Variants in GOT2 observed in about 807,000 individuals in gnomAD.
The protein encoded by GOT2 is glutamic-oxaloacetic transaminase 2, also known as aspartate aminotransferase, mitochondrial.
Under a neutral mutation model 50.0 loss-of-function variants are expected in GOT2, and 17 were observed. That is an observed-to-expected ratio of 0.34 (90% CI 0.23 to 0.51). The LOEUF is 0.51. GOT2 is among the 20% of genes least tolerant of loss of function. The pLI is 0.97. For synonymous variants in GOT2, 172 were observed against 204.9 expected (o/e 0.84, Z 1.37); for missense variants, 430 against 559.6 (o/e 0.77, Z 2.34).
rs545280546 is a variant in GOT2, at chr16:58,708,050, A to C, written c.*121T>G. The C allele has an allele frequency of 3.2e-6, 3 of 939,436 alleles. No homozygotes were observed. Among genetic ancestry groups the C allele is most frequent in the Non-Finnish European group, 3.2e-6 (2 of 617,788 alleles). 58.2% of individuals were successfully genotyped at this position (939,436 alleles called of 1,614,324 possible). On this transcript the variant is annotated 3_prime_UTR_variant, in exon 10 of 10. Coordinates refer to ENST00000245206, the MANE Select transcript of GOT2 (RefSeq NM_002080.4). ...AACATTCAAATGCTGAGTGTTACAC[A>C]CTGTGGCTGAAAGAAATGATCCACT...
intron 8 of GOT2, among the ~76,000 whole-genome samples, chr16:58,710,099 T>G (rs923214396): frequency 1.3e-5 from 2 of 152,226 alleles, no homozygotes; most frequent in Non-Finnish European, 2.9e-5. Flanking sequence ...GGTTTTGCCA[T>G]GTTGCGCGGT....
In GOT2 at chr16:58,731,819, T is replaced by C. The variant is rs141977166; in HGVS notation, c.89+2321A>G. Among the ~76,000 whole-genome samples the C allele has an allele frequency of 7.2e-5, 11 of 152,326 alleles. No homozygotes were observed. The East Asian group carries it at 1.9e-3, about 27-fold the overall frequency. On this transcript the variant is annotated intron_variant, in intron 1 of 9. Coordinates refer to ENST00000245206, the MANE Select transcript of GOT2 (RefSeq NM_002080.4). ...GGTTTTATTGTATTAGAATGAGCCA[T>C]TTAAATAGAAATGTCGATGAATTCA...
chr16:58,709,823 T>G (rs997376210), intron 8 of GOT2, among the ~76,000 whole-genome samples: 29 of 152,176 alleles, frequency 1.9e-4, no homozygotes, highest in African/African-American at 6.8e-4. Flanking sequence ...TTACAACTTT[T>G]CAACTTCATG....
At chr16:58,727,504 T>C (rs1328119111) in intron 1 of GOT2, among the ~76,000 whole-genome samples, 1 of 152,098 alleles carries the variant, frequency 6.6e-6, no homozygotes, top group African/African-American at 2.4e-5. Flanking sequence ...GGGCTGGGAA[T>C]GTAAAGAAGA....
chr16:58,731,234 G>A (rs56033864), intron 1 of GOT2, among the ~76,000 whole-genome samples: 126 of 152,102 alleles, frequency 8.3e-4, no homozygotes, highest in Non-Finnish European at 1.6e-3. Flanking sequence ...CCTCTCAAGC[G>A]ATCAGGCTCG....
chr16:58,709,684 A>C, intron 8 of GOT2, 117 bp from the exon 9 acceptor site: 1 of 724,644 alleles, frequency 1.4e-6, no homozygotes, highest in Non-Finnish European at 2.2e-6. Context: ...TTCTCAGGTC[A>C]CGAATGAGTG....
At chr16:58,717,664 C>T (rs1658180327) in intron 6 of GOT2, among the ~76,000 whole-genome samples, 2 of 152,198 alleles carry the variant, frequency 1.3e-5, no homozygotes, top group Admixed American at 1.3e-4. Context: ...GAGTTCCCTA[C>T]ATCCAGGATG....
At chr16:58,719,682 G>A (rs959210443) in intron 3 of GOT2, among the ~76,000 whole-genome samples, 3 of 152,132 alleles carry the variant, frequency 2.0e-5, no homozygotes, top group Non-Finnish European at 4.4e-5. Context: ...TTGAACCTGC[G>A]AAGTGGAGGA....
chr16:58,726,956 C>A (rs1317014727), intron 1 of GOT2, among the ~76,000 whole-genome samples: 2 of 151,820 alleles, frequency 1.3e-5, no homozygotes, highest in Non-Finnish European at 2.9e-5. Context: ...GAGTTTGAGA[C>A]CAGTCTGACC....
intron 3 of GOT2, among the ~76,000 whole-genome samples, chr16:58,720,768 G>A (rs905611663): frequency 2.1e-5 from 3 of 143,604 alleles, no homozygotes; most frequent in African/African-American, 5.9e-5. Context: ...TAGTAGAGAC[G>A]GGGGGGCGGG....
At chr16:58,715,429 G>T (rs1263905117) in intron 8 of GOT2, among the ~76,000 whole-genome samples, 4 of 152,092 alleles carry the variant, frequency 2.6e-5, no homozygotes, top group African/African-American at 7.2e-5. Flanking sequence ...ACAAATACTC[G>T]GGAGGCTGAG....
At chr16:58,710,710 T>A (rs1258346842) in intron 8 of GOT2, among the ~76,000 whole-genome samples, 2 of 142,730 alleles carry the variant, frequency 1.4e-5, no homozygotes, top group Non-Finnish European at 3.1e-5. Flanking sequence ...TGAAACCCCG[T>A]CTCTACTAAA....
intron 1 of GOT2, among the ~76,000 whole-genome samples, chr16:58,724,333 A>G (rs2044765945): frequency 6.6e-6 from 1 of 151,818 alleles, no homozygotes; most frequent in African/African-American, 2.4e-5. Flanking sequence ...CCCAGGCTGA[A>G]GTACAGTGGT....
Position 58,708,043 on chromosome 16 carries a change from G to T in GOT2, c.*128C>A. ...TCTGAGAAACATTCAAATGCTGAGTGTTACACACTGTGGCTGAAAGAAATG... is the reference window on the plus strand; with the variant it reads ...TCTGAGAAACATTCAAATGCTGAGTTTTACACACTGTGGCTGAAAGAAATG... On this transcript the variant is annotated 3_prime_UTR_variant, in exon 10 of 10. Transcript: ENST00000245206. 1 of 881,404 alleles carries T rather than the reference G, an allele frequency of 1.1e-6. No individual in the cohort carries two copies. The highest frequency in any genetic ancestry group is 1.8e-6 in the Non-Finnish European group (1 of 570,434). The allele number at this position is 881,404 out of a possible 1,614,324, so 54.6% of individuals were successfully genotyped here.
In GOT2 at chr16:58,718,202, C is replaced by T. The variant is rs2044710421; in HGVS notation, c.696G>A (p.Val232=). ...GTGAGTTCATCGTCCTCACCTTCAC[C>T]ACTGTTGCTATTTCCTTCCACTGTT... ...RPEQWKEIAT[V]VKKRNLFAFF... is the part of the protein sequence containing the mutation. The change falls in exon 6 of 10, where the codon GTG becomes GTA. Residue 232 remains valine (V), a synonymous_variant. Transcript: ENST00000245206. 1.2e-6 allele frequency: 2 copies of T among 1,609,372 alleles called. No homozygotes were observed. Among genetic ancestry groups the T allele is most frequent in the South Asian group, 1.1e-5 (1 of 90,962 alleles).
rs2044698980 is a variant in GOT2, at chr16:58,716,798, CAA to C, written c.716_717del (p.Phe239CysfsTer4). On this transcript the variant is annotated frameshift_variant, in exon 7 of 10. Coordinates refer to ENST00000245206, the MANE Select transcript of GOT2 (RefSeq NM_002080.4). LOFTEE classifies it high-confidence loss of function. The stretch of plus-strand genomic sequence containing the variant: ...CCTTGGTAGGCCATGTCAAAGAACG[CAA>C]AGAGATTCCTTTTCTGAGAAGGAAC... ...IATVVKKRNL[F>X]AFFDMAYQGF... The C allele has an allele frequency of 1.2e-6, 2 of 1,613,970 alleles. No individual in the cohort carries two copies. The highest frequency in any genetic ancestry group is 1.3e-5 in the African/African-American group (1 of 74,900).
chr16:58,717,837 T>C (rs1597700600), intron 6 of GOT2, among the ~76,000 whole-genome samples: 2 of 152,154 alleles, frequency 1.3e-5, no homozygotes, highest in East Asian at 3.9e-4. Flanking sequence ...ATTACAGGCA[T>C]GGGCCACTAC....
At chr16:58,713,566 A>C (rs1426358990) in intron 8 of GOT2, among the ~76,000 whole-genome samples, 1 of 152,202 alleles carries the variant, frequency 6.6e-6, no homozygotes, top group Non-Finnish European at 1.5e-5. Context: ...TTTAATCTTC[A>C]TGGGACAGAG....
intron 3 of GOT2, among the ~76,000 whole-genome samples, chr16:58,720,767 C>CGG (rs372309383): frequency 2.6e-5 from 4 of 151,404 alleles, no homozygotes; most frequent in African/African-American, 9.8e-5. Context: ...TTAGTAGAGA[C>CGG]GGGGGGGCGG....
Sources: gnomAD v4.1 joint callset for allele counts (sites outside exome capture counted in the v4.1 genomes callset) on GRCh38, gnomAD v4.1.1 for gene constraint, MANE v1.5 for transcripts, NCBI Gene and HGNC (gene_info 2026-07-23, HGNC 2026-07-21) for gene names.